The following SSTR3 variants were observed in gnomAD, a reference collection of about 807,000 sequenced individuals.
SSTR3 encodes somatostatin receptor type 3.
For missense variants in SSTR3, 504 were observed against 604.7 expected (o/e 0.83, Z 1.75); for synonymous variants, 281 against 269.2 (o/e 1.04, Z -0.43).
intron 1 of SSTR3, chr22:37,211,092 A>G: frequency 2.1e-6 from 1 of 468,122 alleles, no homozygotes; most frequent in Non-Finnish European, 2.8e-6. Context: ...ATTCGAACCC[A>G]GTTCTATCTA....
At chr22:37,213,289 G>A (rs142046650), upstream of SSTR3, among the ~76,000 whole-genome samples, 466 of 152,314 alleles carry the variant, frequency 3.1e-3, 3 homozygotes, top group Admixed American at 5.9e-3. Flanking sequence ...TTGGGATGCC[G>A]TGCCCCTGCC....
At chr22:37,209,918 A>G (rs1480761277) in intron 1 of SSTR3, among the ~76,000 whole-genome samples, 5 of 152,248 alleles carry the variant, frequency 3.3e-5, no homozygotes, top group Non-Finnish European at 7.3e-5. Flanking sequence ...AGAATTTTGA[A>G]TTCTTAGAAC....
upstream of SSTR3, among the ~76,000 whole-genome samples, chr22:37,213,354 G>A (rs1353246221): frequency 2.0e-5 from 3 of 152,310 alleles, no homozygotes; most frequent in East Asian, 1.9e-4. Context: ...AGTCAGAGAC[G>A]GAAGGGAAAA....
Position 37,204,658 on chromosome 22 carries a change from G to C in SSTR3, c.*1889C>G, listed in dbSNP as rs1053125731. ...GAGGGGGGTATAGGCCAAGCCTGGG[G>C]GTGAGGAGGGCACCCCCACTTTATA... is the stretch of plus-strand genomic sequence containing the variant. On this transcript the variant is annotated 3_prime_UTR_variant, in exon 2 of 2. Transcript: ENST00000610913. 1.3e-5 allele frequency: 2 copies of C among 152,246 alleles called. No individual in the cohort carries two copies. Among genetic ancestry groups the C allele is most frequent in the Non-Finnish European group, 2.9e-5 (2 of 68,110 alleles). 9.4% of individuals were successfully genotyped at this position (152,246 alleles called of 1,614,324 possible). A position where few individuals can be genotyped will look rare whatever the true frequency, so the allele number is the denominator to read the frequency against.
intron 1 of SSTR3, among the ~76,000 whole-genome samples, chr22:37,209,358 G>A (rs1051389284): frequency 3.9e-5 from 6 of 152,322 alleles, no homozygotes; most frequent in Admixed American, 1.3e-4. Flanking sequence ...CCCCTAGGCC[G>A]TGGCTTCTCC....
chr22:37,206,684 C>G lies in SSTR3; in HGVS notation c.1120G>C (p.Val374Leu). ...GTGCCAGGCTGCGTGATCTGGCTGA[C>G]CCGGCCGTTCATCTCCTTCCCCTTG... The part of the protein sequence containing the change: ...GGKGKEMNGR[V>L]SQITQPGTSG... Residue 374 changes from valine to leucine, a missense_variant, in exon 2 of 2, where the codon GTC becomes CTC. By Grantham distance (32) the Val-to-Leu change is conservative. Coordinates refer to ENST00000610913, the MANE Select transcript of SSTR3 (RefSeq NM_001051.5). 1.2e-6 allele frequency: 2 copies of G among 1,609,344 alleles called. No homozygotes were observed. The highest frequency in any genetic ancestry group is 1.7e-6 in the Non-Finnish European group (2 of 1,179,978).
At chr22:37,214,470 A>G (rs1428335383), upstream of SSTR3, among the ~76,000 whole-genome samples, 1 of 152,216 alleles carries the variant, frequency 6.6e-6, no homozygotes, top group Non-Finnish European at 1.5e-5. Context: ...AACCTGGTAC[A>G]AAAGCCTTTA....
chr22:37,211,828 C>A lies in SSTR3; in HGVS notation c.-40G>T. On this transcript the variant is annotated 5_prime_UTR_variant, in exon 1 of 2. Coordinates refer to ENST00000610913, the MANE Select transcript of SSTR3 (RefSeq NM_001051.5). ...ATCCGGGCCCCAGCCTCCTTACCTG[C>A]CCATGGGGTGAGGGCTTCCCTCCTT... 1 of 985,758 alleles carries A rather than the reference C, an allele frequency of 1.0e-6. No individual in the cohort carries two copies. The highest frequency in any genetic ancestry group is 1.2e-6 in the Non-Finnish European group (1 of 830,158). 61.1% of individuals were successfully genotyped at this position (985,758 alleles called of 1,614,324 possible).
In SSTR3 at chr22:37,207,717, G is replaced by A; in HGVS notation, c.87C>T (p.Gly29=). Reference sequence around the variant, plus strand: ...CCGGGCTTGGGCCCGCCGACACGTTGCCCAGGGTGGCATCTGGGGGCCAGG... The same window carrying A: ...CCGGGCTTGGGCCCGCCGACACGTTACCCAGGGTGGCATCTGGGGGCCAGG... ...SSAWPPDATL[G]NVSAGPSPAG... Residue 29 remains glycine (G), a synonymous_variant, in exon 2 of 2, where the codon GGC becomes GGT. Coordinates refer to ENST00000610913, the MANE Select transcript of SSTR3 (RefSeq NM_001051.5). 6.5e-7 allele frequency: 1 copy of A among 1,536,356 alleles called. No individual in the cohort carries two copies. The highest frequency in any genetic ancestry group is 8.8e-7 in the Non-Finnish European group (1 of 1,141,376).
intron 1 of SSTR3, among the ~76,000 whole-genome samples, chr22:37,209,175 GT>G (rs1328065738): frequency 3.9e-5 from 6 of 152,190 alleles, no homozygotes; most frequent in Non-Finnish European, 4.4e-5. Context: ...GGGAGCTGTG[GT>G]CCGCACTGCC....
the SSTR3 span, among the ~76,000 whole-genome samples, chr22:37,218,188 T>C: frequency 6.6e-6 from 1 of 152,238 alleles, no homozygotes; most frequent in East Asian, 1.9e-4. Flanking sequence ...GTCTCTTTCA[T>C]TTATCATTTG....
At position 37,206,173 on chromosome 22, in the gene SSTR3, GC is replaced by G. The variant is rs556099937; in HGVS notation, c.*373del. The G allele has an allele frequency of 3.1e-4, 58 of 188,192 alleles. 1 individual carries two copies. Among genetic ancestry groups the G allele is most frequent in the African/African-American group, 1.3e-3 (54 of 42,854 alleles). 11.7% of individuals were successfully genotyped at this position (188,192 alleles called of 1,614,324 possible). A position where few individuals can be genotyped will look rare whatever the true frequency, so the allele number is the denominator to read the frequency against. On this transcript the variant is annotated 3_prime_UTR_variant, in exon 2 of 2. Transcript: ENST00000610913. Reference sequence around the variant, plus strand: ...CTGACTCTGAGCCCAAGAAATCCTGGCCTTGGTTTATCCCTCTGAGGGCCAA... The same window carrying G: ...CTGACTCTGAGCCCAAGAAATCCTGGCTTGGTTTATCCCTCTGAGGGCCAA...
chr22:37,206,526 A>G lies in SSTR3; in HGVS notation c.*21T>C, dbSNP rs2145796982. ...ACGGCTTCTGCCTCTTCCTCGGGCC[A>G]TCCTGGCTTTCCCCAGGCCCCTACA... On this transcript the variant is annotated 3_prime_UTR_variant, in exon 2 of 2. Transcript: ENST00000610913. 1 of 1,581,374 alleles carries G rather than the reference A, an allele frequency of 6.3e-7. No individual in the cohort carries two copies.
Position 37,207,391 on chromosome 22 carries a change from C to G in SSTR3, c.413G>C (p.Ser138Thr), listed in dbSNP as rs776023604. ...TACCACGGCCAGGTAGCGGTCCACG[C>G]TCATGACAGTCAGGCAGAATATGCT... ...FTSIFCLTVM[S>T]VDRYLAVVHP... The change falls in exon 2 of 2, where the codon AGC becomes ACC. Residue 138 changes from serine to threonine, a missense_variant. By Grantham distance (58) the Ser-to-Thr change is moderately conservative. Coordinates refer to ENST00000610913, the MANE Select transcript of SSTR3 (RefSeq NM_001051.5). 1.9e-6 allele frequency: 3 copies of G among 1,612,880 alleles called. No homozygotes were observed. Among genetic ancestry groups the G allele is most frequent in the Non-Finnish European group, 2.5e-6 (3 of 1,179,456 alleles).
At chr22:37,207,926 C>A (rs1925952303) in intron 1 of SSTR3, 87 bp from the exon 2 acceptor site, 1 of 1,360,122 alleles carries the variant, frequency 7.4e-7, no homozygotes, top group Non-Finnish European at 9.4e-7. Flanking sequence ...TGGGGACCTG[C>A]TGCACGCCCA....
Position 37,207,517 on chromosome 22 carries a change from C to G in SSTR3, c.287G>C (p.Gly96Ala). Residue 96 changes from glycine to alanine, a missense_variant, in exon 2 of 2, where the codon GGG (glycine) becomes GCG (alanine). Transcript: ENST00000610913. Reference protein sequence around the residue: ...LALADELFMLGLPFLAAQNAL... With the variant: ...LALADELFMLALPFLAAQNAL... ...GTTCTGGGCGGCCAGGAAGGGCAGCCCCAGCATGAAGAGCTCGTCGGCCAG... is the reference window on the plus strand; with the variant it reads ...GTTCTGGGCGGCCAGGAAGGGCAGCGCCAGCATGAAGAGCTCGTCGGCCAG... 1 of 1,612,654 alleles carries G rather than the reference C, an allele frequency of 6.2e-7. No homozygotes were observed. Among genetic ancestry groups the G allele is most frequent in the Non-Finnish European group, 8.5e-7 (1 of 1,179,526 alleles).
At position 37,206,208 on chromosome 22, in the gene SSTR3, T is replaced by C. The variant is rs8142255; in HGVS notation, c.*339A>G. 1,949 of 240,332 alleles carry C rather than the reference T, an allele frequency of 8.1e-3. 33 individuals carry two copies. Among genetic ancestry groups the C allele is most frequent in the African/African-American group, 0.04 (1,790 of 44,400 alleles). The allele number at this position is 240,332 out of a possible 1,614,324, so 14.9% of individuals were successfully genotyped here. ...ATCCCTCTGAGGGCCAAGATTCTAG[T>C]TGATGCCCCAAGACACTCCATCCCT... On this transcript the variant is annotated 3_prime_UTR_variant, in exon 2 of 2. Coordinates refer to ENST00000610913, the MANE Select transcript of SSTR3 (RefSeq NM_001051.5).
chr22:37,207,943 C>A, intron 1 of SSTR3, 104 bp from the exon 2 acceptor site: 1 of 1,348,848 alleles, frequency 7.4e-7, no homozygotes, highest in Non-Finnish European at 9.5e-7. Context: ...CCCATCCTCC[C>A]ATCGTCTGAG....
At chr22:37,215,753 G>T (rs1330237517), upstream of SSTR3, 2 of 267,266 alleles carry the variant, frequency 7.5e-6, no homozygotes, top group Admixed American at 3.7e-5. Context: ...GACCCAGCTT[G>T]GTTCTTTCCA....
Sources: gnomAD v4.1 joint callset for allele counts (sites outside exome capture counted in the v4.1 genomes callset) on GRCh38, gnomAD v4.1.1 for gene constraint, MANE v1.5 for transcripts, NCBI Gene and HGNC (gene_info 2026-07-23, HGNC 2026-07-21) for gene names.